Variants in CTIF observed in about 807,000 individuals in gnomAD.
The protein encoded by CTIF is CBP80/20-dependent translation initiation factor.
In CTIF, 21 loss-of-function variants were observed where a neutral mutation model predicts 66.0. The ratio of observed to expected loss-of-function variants is 0.32; its 90% CI spans 0.23 to 0.46. The LOEUF (loss-of-function observed/expected upper bound fraction) is 0.46. Among genes scored for constraint, CTIF ranks in the 20% least tolerant of loss-of-function variants. The pLI is 1.00. For synonymous variants in CTIF, 345 were observed against 326.4 expected (o/e 1.06, Z -0.62); for missense variants, 739 against 812.7 (o/e 0.91, Z 1.10).
intron 10 of CTIF, among the ~76,000 whole-genome samples, chr18:48,850,401 C>T (rs757916012): frequency 2.0e-5 from 3 of 152,162 alleles, no homozygotes; most frequent in Admixed American, 6.5e-5. Context: ...TGTCTCCTGG[C>T]GATCCCAAAT....
chr18:48,656,261 C>T (rs2091245761), intron 3 of CTIF, among the ~76,000 whole-genome samples: 1 of 152,236 alleles, frequency 6.6e-6, no homozygotes, highest in Non-Finnish European at 1.5e-5. Flanking sequence ...TAACTGCATG[C>T]ATAGTGTACA....
rs769233010 is a variant in CTIF, at chr18:48,642,485, ATAGT to A, written c.252+5804_252+5807del. 7.9e-5 allele frequency among the ~76,000 whole-genome samples: 12 copies of A among 152,284 alleles called. No individual in the cohort carries two copies. The South Asian group carries it at 1.2e-3, about 16-fold the overall frequency. On this transcript the variant is annotated intron_variant, in intron 3 of 11. Transcript: ENST00000256413. ...GGCACAGTGTTGGGATGTTAGAGTA[ATAGT>A]TAGGAGGCAGCACAGCTAGAGGAGG...
At chr18:48,639,736 T>G (rs1471253814) in intron 3 of CTIF, among the ~76,000 whole-genome samples, 1 of 152,196 alleles carries the variant, frequency 6.6e-6, no homozygotes, top group Admixed American at 6.5e-5. Flanking sequence ...GGGGCTGGTG[T>G]GGTAGCCCAA....
At chr18:48,551,124 T>C (rs2088871112) in intron 1 of CTIF, among the ~76,000 whole-genome samples, 1 of 149,306 alleles carries the variant, frequency 6.7e-6, no homozygotes, top group Non-Finnish European at 1.5e-5. Flanking sequence ...TGGGCCCTAA[T>C]CTAGTATGAC....
Position 48,539,201 on chromosome 18 carries a change from C to G in CTIF, c.-140C>G, listed in dbSNP as rs1014668532. 2.6e-5 allele frequency: 4 copies of G among 151,278 alleles called. No homozygotes were observed. The highest frequency in any genetic ancestry group is 1.3e-4 in the Admixed American group (2 of 15,196). 9.4% of individuals were successfully genotyped at this position (151,278 alleles called of 1,614,324 possible). A position where few individuals can be genotyped will look rare whatever the true frequency, so the allele number is the denominator to read the frequency against. On this transcript the variant is annotated 5_prime_UTR_variant, in exon 1 of 12. Transcript: ENST00000256413. ...GATCCCCTCCGCAGCTGGGACGCTCCGAACTCGAGGCAGGAGTCGGCTCTC... is the reference window on the plus strand; with the variant it reads ...GATCCCCTCCGCAGCTGGGACGCTCGGAACTCGAGGCAGGAGTCGGCTCTC...
chr18:48,548,605 T>C (rs2088810997), intron 1 of CTIF, among the ~76,000 whole-genome samples: 1 of 152,218 alleles, frequency 6.6e-6, no homozygotes, highest in Admixed American at 6.5e-5. Flanking sequence ...TGGCTGGACG[T>C]GCCTGGATGT....
chr18:48,790,027 G>A (rs1173631170), intron 9 of CTIF, among the ~76,000 whole-genome samples: 1 of 152,176 alleles, frequency 6.6e-6, no homozygotes, highest in African/African-American at 2.4e-5. Context: ...CAGCTTCATT[G>A]CCATGGGGCC....
At chr18:48,716,633 A>G (rs977912301) in intron 7 of CTIF, among the ~76,000 whole-genome samples, 1 of 152,098 alleles carries the variant, frequency 6.6e-6, no homozygotes, top group Non-Finnish European at 1.5e-5. Flanking sequence ...ACCACCCCCA[A>G]TTGAACTACA....
chr18:48,857,789 C>A, intron 11 of CTIF, 148 bp downstream of exon 11: 2 of 611,926 alleles, frequency 3.3e-6, no homozygotes, highest in Non-Finnish European at 2.7e-6. Flanking sequence ...TGGACTTCTG[C>A]ATCCAGAATT....
chr18:48,720,637 G>A (rs955240433), intron 7 of CTIF, among the ~76,000 whole-genome samples: 10 of 151,888 alleles, frequency 6.6e-5, no homozygotes, highest in African/African-American at 1.9e-4. Flanking sequence ...CCTCCCTCAC[G>A]CCCACCCCCA....
intron 1 of CTIF, among the ~76,000 whole-genome samples, chr18:48,580,897 A>G (rs2089640116): frequency 6.6e-6 from 1 of 152,248 alleles, no homozygotes; most frequent in South Asian, 2.1e-4. Flanking sequence ...GGCCGGGGGC[A>G]CGGGATTGGA....
intron 1 of CTIF, among the ~76,000 whole-genome samples, chr18:48,595,717 C>T (rs1238174916): frequency 1.3e-5 from 2 of 152,192 alleles, no homozygotes; most frequent in South Asian, 2.1e-4. Flanking sequence ...AAACTACATA[C>T]ATTTGTTATT....
chr18:48,669,696 G>A (rs2091490582), intron 5 of CTIF, among the ~76,000 whole-genome samples: 1 of 148,690 alleles, frequency 6.7e-6, no homozygotes, highest in South Asian at 2.2e-4. Context: ...TTAAACATAT[G>A]TGTGTATGTT....
intron 9 of CTIF, among the ~76,000 whole-genome samples, chr18:48,816,026 C>G (rs1195626079): frequency 2.0e-5 from 3 of 152,114 alleles, no homozygotes; most frequent in Non-Finnish European, 4.4e-5. Context: ...AACAAACAAC[C>G]ATAAAAATCT....
intron 9 of CTIF, among the ~76,000 whole-genome samples, chr18:48,795,969 A>T (rs543482940): frequency 1.3e-5 from 2 of 152,244 alleles, no homozygotes; most frequent in African/African-American, 4.8e-5. Flanking sequence ...CAGGGAAGAG[A>T]AGCAATCCCC....
intron 7 of CTIF, among the ~76,000 whole-genome samples, chr18:48,739,029 T>G (rs1014753856): frequency 3.3e-5 from 5 of 152,118 alleles, no homozygotes. Flanking sequence ...GAGTCCAGAT[T>G]TGAAGCAGAA....
chr18:48,762,878 C>G (rs1372515223), intron 9 of CTIF, among the ~76,000 whole-genome samples: 3 of 152,242 alleles, frequency 2.0e-5, no homozygotes, highest in Non-Finnish European at 4.4e-5. Context: ...CGGCAGGGCT[C>G]CATCCCCACC....
rs563755273 is a variant in CTIF at position 48,554,473 on chromosome 18, C to T, written c.-29+15161C>T. 2.6e-5 allele frequency among the ~76,000 whole-genome samples: 4 copies of T among 152,360 alleles called. No homozygotes were observed. In the East Asian group the frequency reaches 7.7e-4, roughly 29 times the overall value. On this transcript the variant is annotated intron_variant, in intron 1 of 11. Coordinates refer to ENST00000256413, the MANE Select transcript of CTIF (RefSeq NM_014772.3). ...GGCACTGCGATGGAGGCACCCTCTT[C>T]ACTGTGTTTGCCAGTGCACTGCAGT...
rs2092412146 is a variant in CTIF, at chr18:48,728,966, C to A, written c.584+17271C>A. Among the ~76,000 whole-genome samples the A allele has an allele frequency of 2.0e-5, 3 of 152,114 alleles. No homozygotes were observed. The East Asian group carries it at 5.8e-4, about 29-fold the overall frequency. On this transcript the variant is annotated intron_variant, in intron 7 of 11. Transcript: ENST00000256413. ...CTTCCTGTACCATTGCTTTTTCCCC[C>A]CACTTTAAATGATCTAGTGAAACTC...
Sources: allele counts gnomAD v4.1 joint callset (sites outside exome capture counted in the v4.1 genomes callset), GRCh38; gene constraint gnomAD v4.1.1; transcripts MANE v1.5; gene names NCBI Gene and HGNC (gene_info 2026-07-23, HGNC 2026-07-21).